Variants in CD8B2 observed in about 807,000 individuals in gnomAD.
CD8B2 encodes T-cell surface glycoprotein CD8 beta-2 chain.
CD8B2 carries 11 observed loss-of-function variants against 23.7 expected under a neutral mutation model. That is an observed-to-expected ratio of 0.46 (90% confidence interval 0.29 to 0.77). The LOEUF is 0.77. Ranked by LOEUF, CD8B2 falls within the 30% of genes least tolerant of loss-of-function variation. CD8B2 has a pLI of 0.09. For missense variants in CD8B2, 197 were observed against 270.5 expected, an observed-to-expected ratio of 0.73 and a Z score of 1.91; for synonymous variants, 90 against 109.3, an observed-to-expected ratio of 0.82 and a Z score of 1.10.
intron 1 of CD8B2, among the ~76,000 whole-genome samples, chr2:106,489,298 C>T (rs1332094653): frequency 2.0e-4 from 31 of 151,838 alleles, no homozygotes; most frequent in Non-Finnish European, 1.6e-4. Flanking sequence ...CCACCACACC[C>T]GGCCCCATCA....
At chr2:106,506,061 G>A (rs1275745487) in intron 5 of CD8B2, among the ~76,000 whole-genome samples, 5 of 152,080 alleles carry the variant, frequency 3.3e-5, no homozygotes, top group African/African-American at 7.2e-5. Context: ...CTTGAACCCC[G>A]GAGGCAGAGG....
chr2:106,514,338 A>G (rs1170788701), downstream of CD8B2, among the ~76,000 whole-genome samples: 1 of 136,860 alleles, frequency 7.3e-6, no homozygotes, highest in East Asian at 2.1e-4. Flanking sequence ...CCCAGGCTGG[A>G]GTGCAGTGGC....
chr2:106,514,945 T>A (rs1250533761), downstream of CD8B2, among the ~76,000 whole-genome samples: 1 of 152,236 alleles, frequency 6.6e-6, no homozygotes, highest in Non-Finnish European at 1.5e-5. Flanking sequence ...TGTAAAACAG[T>A]GATGCTGCTC....
intron 5 of CD8B2, among the ~76,000 whole-genome samples, chr2:106,527,384 C>T (rs1679921040): frequency 6.6e-6 from 1 of 152,242 alleles, no homozygotes; most frequent in Admixed American, 6.5e-5. Flanking sequence ...CCTGTTTTCC[C>T]ATCCTTTCCA....
At chr2:106,515,242 T>C (rs1478220402), downstream of CD8B2, among the ~76,000 whole-genome samples, 1 of 152,252 alleles carries the variant, frequency 6.6e-6, no homozygotes, top group Non-Finnish European at 1.5e-5. Flanking sequence ...TGTCCTTGTG[T>C]AGCTGGGTTT....
At chr2:106,516,721 G>A (rs6728977) in intron 5 of CD8B2, among the ~76,000 whole-genome samples, 149,818 of 152,148 alleles carry the variant, frequency 0.98, 73,798 homozygotes, top group East Asian at 1. Flanking sequence ...TTTTTGGAGT[G>A]TTTGTATACC....
At chr2:106,534,763 A>C (rs908381946) in intron 5 of CD8B2, among the ~76,000 whole-genome samples, 3 of 152,216 alleles carry the variant, frequency 2.0e-5, no homozygotes, top group East Asian at 3.8e-4. Context: ...TAGGAGCTAC[A>C]GTTCAAAACA....
chr2:106,512,751 G>A (rs1418051101), downstream of CD8B2, among the ~76,000 whole-genome samples: 4 of 152,142 alleles, frequency 2.6e-5, no homozygotes, highest in Non-Finnish European at 5.9e-5. Flanking sequence ...AATCCCTTAA[G>A]TTTCTTGATG....
downstream of CD8B2, among the ~76,000 whole-genome samples, chr2:106,514,528 C>A (rs1679695467): frequency 6.6e-6 from 1 of 151,766 alleles, no homozygotes; most frequent in South Asian, 2.1e-4. Flanking sequence ...ACCTCATGGT[C>A]CTCCTGCCTC....
chr2:106,515,394 T>A (rs1231559126), downstream of CD8B2, among the ~76,000 whole-genome samples: 2 of 152,178 alleles, frequency 1.3e-5, no homozygotes, highest in Non-Finnish European at 2.9e-5. Flanking sequence ...AGCCCCCATG[T>A]GATGGTGTTT....
rs1003830320 is a variant in CD8B2, at chr2:106,523,153, G to C, written c.620+18828G>C. 3.3e-5 allele frequency among the ~76,000 whole-genome samples: 5 copies of C among 152,156 alleles called. No homozygotes were observed. The South Asian group carries it at 1.0e-3, about 32-fold the overall frequency. ...ATCCTACCAGGGAGAAAAATTCCCC[G>C]AACACAGAACAAACCCTGTGTTCTC... On this transcript the variant is annotated intron_variant, in intron 5 of 5. Transcript: ENST00000416057.
intron 3 of CD8B2, among the ~76,000 whole-genome samples, chr2:106,500,560 A>ATAATTAATTAATTAAT (rs1553466760): frequency 1.1e-4 from 13 of 119,066 alleles, no homozygotes; most frequent in East Asian, 4.8e-4. Flanking sequence ...AAATAAATAA[A>ATAATTAATTAATTAAT]TAATTAAAAA....
intron 1 of CD8B2, among the ~76,000 whole-genome samples, chr2:106,488,328 C>T (rs1440213002): frequency 1.3e-5 from 2 of 151,248 alleles, no homozygotes; most frequent in Non-Finnish European, 2.9e-5. Context: ...GAATGGAATT[C>T]CTGGGTTACC....
At chr2:106,491,859 C>T (rs910374815) in intron 2 of CD8B2, among the ~76,000 whole-genome samples, 1 of 152,118 alleles carries the variant, frequency 6.6e-6, no homozygotes, top group East Asian at 1.9e-4. Context: ...AGGCATTATT[C>T]TTCTTATGGG....
At chr2:106,521,828 T>G (rs1212881824) in intron 5 of CD8B2, 1 of 152,230 alleles carries the variant, frequency 6.6e-6, no homozygotes. Flanking sequence ...TTTAATTCTC[T>G]GACACTGTAG....
At chr2:106,538,639 C>G (rs535793490) in intron 5 of CD8B2, among the ~76,000 whole-genome samples, 1 of 152,278 alleles carries the variant, frequency 6.6e-6, no homozygotes, top group East Asian at 1.9e-4. Context: ...TCCCCACCTC[C>G]TACTCCCCAG....
intron 4 of CD8B2, 143 bp from the exon 5 acceptor site, chr2:106,504,146 T>A (rs1032567646): frequency 5.2e-6 from 5 of 961,402 alleles, no homozygotes; most frequent in African/African-American, 5.0e-5. Flanking sequence ...GATTAAAATG[T>A]GTAAAGTGTT....
chr2:106,534,952 G>T (rs1680064013), intron 5 of CD8B2, among the ~76,000 whole-genome samples: 1 of 152,092 alleles, frequency 6.6e-6, no homozygotes, highest in Non-Finnish European at 1.5e-5. Context: ...CTCCTGAGTA[G>T]CTGGGATTAC....
At chr2:106,524,277 C>T (rs1679876114) in intron 5 of CD8B2, among the ~76,000 whole-genome samples, 1 of 152,138 alleles carries the variant, frequency 6.6e-6, no homozygotes, top group Admixed American at 6.5e-5. Flanking sequence ...AGGCCATTGT[C>T]CCTTTGTATA....
Sources: allele counts gnomAD v4.1 joint callset (sites outside exome capture counted in the v4.1 genomes callset), GRCh38; gene constraint gnomAD v4.1.1; transcripts MANE v1.5; gene names NCBI Gene and HGNC (gene_info 2026-07-23, HGNC 2026-07-21).